The following QKI variants were observed in gnomAD, a reference collection of about 807,000 sequenced individuals.
QKI encodes KH domain-containing RNA-binding protein QKI.
QKI carries 10 observed loss-of-function variants against 39.0 expected under a neutral mutation model. The ratio of observed to expected loss-of-function variants is 0.26; its 90% CI spans 0.16 to 0.43. QKI has a LOEUF of 0.43. Among genes scored for constraint, QKI ranks in the 20% least tolerant of loss-of-function variants. QKI has a pLI of 1.00. For synonymous variants in QKI, 204 were observed against 155.4 expected (o/e 1.31, Z -2.33); for missense variants, 218 against 428.0 (o/e 0.51, Z 4.33).
At chr6:163,546,384 T>A (rs1376084854) in intron 4 of QKI, among the ~76,000 whole-genome samples, 1 of 151,970 alleles carries the variant, frequency 6.6e-6, no homozygotes. Flanking sequence ...GTAAAAACAT[T>A]AAGAAAATCA....
chr6:163,550,949 A>AC (rs68055882), intron 4 of QKI, among the ~76,000 whole-genome samples: 8 of 5,526 alleles, frequency 1.4e-3, no homozygotes, highest in East Asian at 0.5. Flanking sequence ...TCTGTCTCAC[A>AC]AAAAAAAAAA....
At chr6:163,421,071 A>T (rs1359813559) in intron 1 of QKI, among the ~76,000 whole-genome samples, 2 of 112,000 alleles carry the variant, frequency 1.8e-5, no homozygotes, top group Non-Finnish European at 4.1e-5. Context: ...CACATGGTTT[A>T]AAAAAAAATG....
rs1319027797 is a variant in QKI at position 163,574,379 on chromosome 6, A to G, written c.*3669A>G. On this transcript the variant is annotated 3_prime_UTR_variant, in exon 8 of 8. Coordinates refer to ENST00000361752, the MANE Select transcript of QKI (RefSeq NM_006775.3). ...TGAACTTGTTTAGCTAACTACTCCT[A>G]TTAGGGGAGCTTAACTTGGGTAAAG... 6.6e-6 allele frequency: 1 copy of G among 152,108 alleles called. No homozygotes were observed. The highest frequency in any genetic ancestry group is 2.4e-5 in the African/African-American group (1 of 41,400). The allele number at this position is 152,108 out of a possible 1,614,324, so 9.4% of individuals were successfully genotyped here.
intron 1 of QKI, among the ~76,000 whole-genome samples, chr6:163,426,733 T>C (rs1423301614): frequency 6.6e-6 from 1 of 152,210 alleles, no homozygotes; most frequent in Non-Finnish European, 1.5e-5. Flanking sequence ...ACATTGCGAT[T>C]TTGAAGTGAG....
intron 2 of QKI, among the ~76,000 whole-genome samples, chr6:163,476,162 A>G (rs149299869): frequency 6.8e-4 from 103 of 152,340 alleles, no homozygotes; most frequent in African/African-American, 2.2e-3. Flanking sequence ...TTAAAATATA[A>G]AAACACTGAT....
At chr6:163,451,339 G>A (rs1178843903) in intron 1 of QKI, among the ~76,000 whole-genome samples, 1 of 152,162 alleles carries the variant, frequency 6.6e-6, no homozygotes, top group Non-Finnish European at 1.5e-5. Context: ...TGATCATTAT[G>A]GAATGTTGTG....
Position 163,476,878 on chromosome 6 carries a change from T to A in QKI, c.286-1902T>A, listed in dbSNP as rs761217342. Among the ~76,000 whole-genome samples the A allele has an allele frequency of 8.3e-4, 127 of 152,204 alleles. 2 individuals are homozygous for A. The highest frequency in any genetic ancestry group is 8.4e-4 in the Non-Finnish European group (57 of 68,024). ...TGTATGGCAAACTTTTTACTGGACC[T>A]TGTGTATGTATTGTGCTATACACAT... On this transcript the variant is annotated intron_variant, in intron 2 of 7. Coordinates refer to ENST00000361752, the MANE Select transcript of QKI (RefSeq NM_006775.3).
intron 3 of QKI, among the ~76,000 whole-genome samples, chr6:163,519,578 A>C (rs1780027426): frequency 6.6e-6 from 1 of 151,738 alleles, no homozygotes; most frequent in Non-Finnish European, 1.5e-5. Flanking sequence ...ATAAGTTAAT[A>C]TCTACCATTC....
At chr6:163,489,149 C>T (rs1407548226) in intron 3 of QKI, among the ~76,000 whole-genome samples, 5 of 141,952 alleles carry the variant, frequency 3.5e-5, no homozygotes, top group Non-Finnish European at 4.6e-5. Context: ...AAAGAATAGC[C>T]TTTATTCGTT....
chr6:163,416,057 G>T (rs1367647139), intron 1 of QKI: 2 of 14,380 alleles, frequency 1.4e-4, no homozygotes, highest in African/African-American at 4.2e-3. Flanking sequence ...TCGGGGGTGG[G>T]GGGGGGGGGG....
intron 1 of QKI, among the ~76,000 whole-genome samples, chr6:163,418,123 T>C (rs1413837469): frequency 6.6e-6 from 1 of 151,994 alleles, no homozygotes; most frequent in Non-Finnish European, 1.5e-5. Flanking sequence ...AATGCTTGGC[T>C]GAAAAATTAC....
chr6:163,505,864 T>C (rs767528768), intron 3 of QKI, among the ~76,000 whole-genome samples: 13 of 152,046 alleles, frequency 8.6e-5, no homozygotes, highest in Non-Finnish European at 1.5e-4. Context: ...TTTGGAGGGG[T>C]CAGGGGCGGA....
intron 3 of QKI, among the ~76,000 whole-genome samples, chr6:163,517,914 A>G (rs1006918117): frequency 6.6e-6 from 1 of 152,196 alleles, no homozygotes; most frequent in African/African-American, 2.4e-5. Context: ...AGGTTAAGGT[A>G]AATCTGGTAA....
chr6:163,569,134 C>T (rs913818010), intron 7 of QKI: 4 of 938,102 alleles, frequency 4.3e-6, no homozygotes, highest in East Asian at 1.2e-4. Flanking sequence ...AGTATGACTA[C>T]ATCATGTTAA....
At chr6:163,416,674 T>C (rs1787533878) in intron 1 of QKI, among the ~76,000 whole-genome samples, 2 of 152,218 alleles carry the variant, frequency 1.3e-5, no homozygotes, top group South Asian at 4.1e-4. Flanking sequence ...TTGAAAGTCA[T>C]AGAAACAACT....
chr6:163,433,155 T>C (rs1788969714), intron 1 of QKI, among the ~76,000 whole-genome samples: 1 of 152,248 alleles, frequency 6.6e-6, no homozygotes, highest in Non-Finnish European at 1.5e-5. Flanking sequence ...GATTTTTAAA[T>C]TGGAACACAT....
At chr6:163,475,139 T>C (rs1792490076) in intron 2 of QKI, among the ~76,000 whole-genome samples, 1 of 152,146 alleles carries the variant, frequency 6.6e-6, no homozygotes, top group African/African-American at 2.4e-5. Context: ...TGGTGTACCA[T>C]ATAATTTACC....
At chr6:163,501,588 G>A (rs984271635) in intron 3 of QKI, among the ~76,000 whole-genome samples, 35 of 152,144 alleles carry the variant, frequency 2.3e-4, no homozygotes, top group African/African-American at 8.4e-4. Flanking sequence ...TTTAATTATA[G>A]GTGTCTGACT....
Position 163,578,250 on chromosome 6 carries a change from G to T in QKI, c.*7540G>T, listed in dbSNP as rs539302816. On this transcript the variant is annotated 3_prime_UTR_variant, in exon 8 of 8. Transcript: ENST00000361752. ...ATATAAAGGTTATTACAAGAAAAAT[G>T]ATGAAGAGCAAAAGGAGAAGAAAAT... The T allele has an allele frequency of 1.4e-3, 207 of 152,168 alleles. 1 individual carries two copies. Among genetic ancestry groups the T allele is most frequent in the African/African-American group, 4.8e-3 (201 of 41,552 alleles). The allele number at this position is 152,168 out of a possible 1,614,324, so 9.4% of individuals were successfully genotyped here.
Sources: allele counts gnomAD v4.1 joint callset (sites outside exome capture counted in the v4.1 genomes callset), GRCh38; gene constraint gnomAD v4.1.1; transcripts MANE v1.5; gene names NCBI Gene and HGNC (gene_info 2026-07-23, HGNC 2026-07-21).